Variants in ACO1 observed in about 807,000 individuals in gnomAD.
The protein encoded by ACO1 is cytoplasmic aconitate hydratase.
In ACO1, 78 loss-of-function variants were observed where a neutral mutation model predicts 105.1. The ratio of observed to expected loss-of-function variants is 0.74; its 90% CI spans 0.62 to 0.90. The LOEUF is 0.90. ACO1 is among the 40% of genes least tolerant of loss of function. ACO1 has a pLI of 0.00. For missense variants in ACO1, 965 were observed against 1,111.1 expected, an observed-to-expected ratio of 0.87 and a Z score of 1.87; for synonymous variants, 364 against 397.4, an observed-to-expected ratio of 0.92 and a Z score of 1.00.
chr9:32,420,031 T>C (rs1821934654), intron 7 of ACO1, among the ~76,000 whole-genome samples: 1 of 152,256 alleles, frequency 6.6e-6, no homozygotes, highest in Non-Finnish European at 1.5e-5. Flanking sequence ...CCATAGCTTA[T>C]CACAAATGTC....
At chr9:32,387,658 T>A (rs1821182430) in intron 1 of ACO1, among the ~76,000 whole-genome samples, 3 of 152,322 alleles carry the variant, frequency 2.0e-5, no homozygotes, top group African/African-American at 7.2e-5. Context: ...ATCAGCAAAC[T>A]TTTTGTGTAA....
At chr9:32,424,722 T>C in intron 10 of ACO1, 57 bp downstream of exon 10, 4 of 1,207,738 alleles carry the variant, frequency 3.3e-6, no homozygotes, top group Non-Finnish European at 4.9e-6. Flanking sequence ...GCCTGGTTAC[T>C]CAGCGTCCAG....
At chr9:32,390,031 C>T (rs982463532) in intron 1 of ACO1, among the ~76,000 whole-genome samples, 3 of 152,176 alleles carry the variant, frequency 2.0e-5, no homozygotes, top group African/African-American at 7.2e-5. Context: ...TTCCTTACTT[C>T]AGGTGATCCG....
intron 20 of ACO1, 112 bp from the exon 21 acceptor site, chr9:32,449,886 T>C (rs930641682): frequency 2.7e-6 from 2 of 744,360 alleles, no homozygotes; most frequent in Non-Finnish European, 4.7e-6. Flanking sequence ...CATGTGCTGC[T>C]GGTGTTACTG....
At chr9:32,402,886 A>G (rs1385085893) in intron 1 of ACO1, among the ~76,000 whole-genome samples, 1 of 152,190 alleles carries the variant, frequency 6.6e-6, no homozygotes, top group East Asian at 1.9e-4. Flanking sequence ...AAACAAAGCT[A>G]GTCTTTGGTT....
chr9:32,449,879 G>A, intron 20 of ACO1, 119 bp from the exon 21 acceptor site: 1 of 717,556 alleles, frequency 1.4e-6, no homozygotes, highest in Non-Finnish European at 2.5e-6. Context: ...ATGTCCTCAT[G>A]TGCTGCTGGT....
intron 1 of ACO1, among the ~76,000 whole-genome samples, chr9:32,389,744 C>T (rs1479454203): frequency 1.3e-5 from 2 of 149,606 alleles, no homozygotes; most frequent in Non-Finnish European, 3.0e-5. Context: ...AGAGTATAAA[C>T]CCTCAGCCTC....
chr9:32,440,696 G>A lies in ACO1; in HGVS notation c.2370+109G>A, dbSNP rs539660694. On this transcript the variant is annotated intron_variant, in intron 19 of 20. Coordinates refer to ENST00000309951, the MANE Select transcript of ACO1 (RefSeq NM_002197.3). Reference sequence around the variant, plus strand: ...CCAAGAAGATGTCAAGGAAGAGCAAGCTCAAAAAAGCAGGTAGTGTTTATT... The same window carrying A: ...CCAAGAAGATGTCAAGGAAGAGCAAACTCAAAAAAGCAGGTAGTGTTTATT... The A allele has an allele frequency of 4.3e-6, 6 of 1,407,792 alleles. No individual in the cohort carries two copies. The African/African-American group carries it at 5.8e-5, about 14-fold the overall frequency. 87.2% of individuals were successfully genotyped at this position (1,407,792 alleles called of 1,614,324 possible).
At chr9:32,438,291 A>T (rs980293690) in intron 18 of ACO1, among the ~76,000 whole-genome samples, 9 of 152,232 alleles carry the variant, frequency 5.9e-5, no homozygotes, top group African/African-American at 2.2e-4. Flanking sequence ...TCAAAAGCTT[A>T]AAAAAGCCCT....
At chr9:32,414,319 C>G (rs1821804645) in intron 4 of ACO1, among the ~76,000 whole-genome samples, 2 of 152,174 alleles carry the variant, frequency 1.3e-5, no homozygotes, top group Admixed American at 6.5e-5. Context: ...CCTCTTTAGT[C>G]CGTGAGGCCA....
intron 1 of ACO1, among the ~76,000 whole-genome samples, chr9:32,401,834 A>G (rs1201853890): frequency 6.6e-6 from 1 of 152,168 alleles, no homozygotes; most frequent in Non-Finnish European, 1.5e-5. Flanking sequence ...TGGTGTTCAG[A>G]CTGTCCATGC....
In ACO1 at chr9:32,452,087, C is replaced by G. The variant is rs927335833; in HGVS notation, c.*1976C>G. The G allele has an allele frequency of 6.7e-6, 1 of 149,768 alleles. No homozygotes were observed. The highest frequency in any genetic ancestry group is 6.6e-5 in the Admixed American group (1 of 15,110). 9.3% of individuals were successfully genotyped at this position (149,768 alleles called of 1,614,324 possible). On this transcript the variant is annotated 3_prime_UTR_variant, in exon 21 of 21. Transcript: ENST00000309951. ...CTCAAAAAAAAAAAAAAATTACAAACAAACAGAACTCCATTGTACAAAAAA... is the reference window on the plus strand; with the variant it reads ...CTCAAAAAAAAAAAAAAATTACAAAGAAACAGAACTCCATTGTACAAAAAA...
Position 32,394,234 on chromosome 9 carries a change from T to C in ACO1, c.-23+9499T>C, listed in dbSNP as rs1220414121. 2.0e-5 allele frequency among the ~76,000 whole-genome samples: 3 copies of C among 152,238 alleles called. No homozygotes were observed. In the East Asian group the frequency reaches 5.8e-4, roughly 29 times the overall value. On this transcript the variant is annotated intron_variant, in intron 1 of 20. Coordinates refer to ENST00000309951, the MANE Select transcript of ACO1 (RefSeq NM_002197.3). ...TGGAAGGCTTGTGCATGGTGTCACC[T>C]GTCCCTAGAGTCCTTTCTCTCCCCC...
intron 1 of ACO1, among the ~76,000 whole-genome samples, chr9:32,395,424 C>A (rs758990529): frequency 3.9e-5 from 6 of 152,034 alleles, no homozygotes; most frequent in African/African-American, 1.4e-4. Flanking sequence ...TGCAGTGAGC[C>A]GAGATTACGC....
At chr9:32,424,916 T>TTAGTC (rs1554661680) in intron 10 of ACO1, among the ~76,000 whole-genome samples, 12 of 151,866 alleles carry the variant, frequency 7.9e-5, no homozygotes, top group African/African-American at 2.9e-4. Context: ...ACCACACTGT[T>TTAGTC]TACTCACCCG....
At chr9:32,418,563 T>G (rs1318991728) in intron 6 of ACO1, 52 bp downstream of exon 6, 1 of 1,530,350 alleles carries the variant, frequency 6.5e-7, no homozygotes, top group Non-Finnish European at 8.9e-7. Flanking sequence ...TAATTCACTG[T>G]GATTCTATTA....
intron 15 of ACO1, among the ~76,000 whole-genome samples, chr9:32,432,570 G>GTA (rs1046711247): frequency 6.6e-6 from 1 of 152,148 alleles, no homozygotes; most frequent in Non-Finnish European, 1.5e-5. Flanking sequence ...CAAAGGCCGA[G>GTA]TTAATGGACC....
intron 4 of ACO1, among the ~76,000 whole-genome samples, chr9:32,410,932 G>C (rs747442495): frequency 3.9e-5 from 6 of 152,194 alleles, no homozygotes; most frequent in Non-Finnish European, 8.8e-5. Flanking sequence ...CCATACATCT[G>C]CAGGGCAGCC....
Position 32,419,872 on chromosome 9 carries a change from A to G in ACO1, c.798+695A>G, listed in dbSNP as rs1006920306. 7.2e-5 allele frequency among the ~76,000 whole-genome samples: 11 copies of G among 152,262 alleles called. 1 individual carries two copies. The highest frequency in any genetic ancestry group is 5.9e-4 in the Admixed American group (9 of 15,290). On this transcript the variant is annotated intron_variant, in intron 7 of 20. Coordinates refer to ENST00000309951, the MANE Select transcript of ACO1 (RefSeq NM_002197.3). ...GTTTTGGAAGACTCTTGCAAAAGCA[A>G]TGGTTTTTAATGATCACAAACATAA...
Sources: allele counts gnomAD v4.1 joint callset (sites outside exome capture counted in the v4.1 genomes callset), GRCh38; gene constraint gnomAD v4.1.1; transcripts MANE v1.5; gene names NCBI Gene and HGNC (gene_info 2026-07-23, HGNC 2026-07-21).